The following SIM2 variants were observed in gnomAD, a reference collection of about 807,000 sequenced individuals.
SIM2 encodes single-minded homolog 2.
SIM2 carries 28 observed loss-of-function variants against 64.8 expected under a neutral mutation model. That is an observed-to-expected ratio of 0.43 (90% CI 0.32 to 0.59). The LOEUF (loss-of-function observed/expected upper bound fraction) is 0.59, where lower values mean the gene tolerates loss of function less well. Ranked by LOEUF, SIM2 falls within the 20% of genes least tolerant of loss-of-function variation. SIM2 has a pLI of 0.07. For missense variants in SIM2, 847 were observed against 871.4 expected (o/e 0.97, Z 0.35); for synonymous variants, 408 against 391.1 (o/e 1.04, Z -0.51).
At chr21:36,718,628 G>A (rs2088777221) in intron 3 of SIM2, among the ~76,000 whole-genome samples, 1 of 152,208 alleles carries the variant, frequency 6.6e-6, no homozygotes, top group South Asian at 2.1e-4. Flanking sequence ...TTTCTTCTCA[G>A]GCTGGGCACT....
At chr21:36,709,124 G>C (rs1435853396) in intron 1 of SIM2, 44 bp from the exon 2 acceptor site, 20 of 1,546,180 alleles carry the variant, frequency 1.3e-5, no homozygotes, top group Non-Finnish European at 1.7e-5. Flanking sequence ...CAGGCATCGG[G>C]CTGGGCGCTG....
intron 1 of SIM2, among the ~76,000 whole-genome samples, chr21:36,704,271 G>C (rs1448664535): frequency 6.6e-6 from 1 of 152,194 alleles, no homozygotes; most frequent in Non-Finnish European, 1.5e-5. Context: ...TGGAGAGTTG[G>C]GTGAGGAGAA....
intron 3 of SIM2, among the ~76,000 whole-genome samples, chr21:36,716,461 T>C (rs1047241224): frequency 2.0e-5 from 3 of 152,214 alleles, no homozygotes; most frequent in Non-Finnish European, 2.9e-5. Flanking sequence ...ATGATGTTGT[T>C]TGGAGGTACA....
intron 2 of SIM2, 80 bp from the exon 3 acceptor site, chr21:36,712,453 A>T: frequency 1.0e-6 from 1 of 961,424 alleles, no homozygotes; most frequent in Non-Finnish European, 1.7e-6. Context: ...GCATCCCTCC[A>T]TCCCAGTGAC....
At chr21:36,731,895 C>G (rs754154114) in intron 7 of SIM2, among the ~76,000 whole-genome samples, 2 of 151,906 alleles carry the variant, frequency 1.3e-5, no homozygotes, top group Non-Finnish European at 1.5e-5. Flanking sequence ...AAAAAAAAAT[C>G]TTTTTGAGAC....
At chr21:36,725,647 GTTTGT>G (rs1395446686) in intron 5 of SIM2, among the ~76,000 whole-genome samples, 1 of 152,098 alleles carries the variant, frequency 6.6e-6, no homozygotes, top group African/African-American at 2.4e-5. Flanking sequence ...TGTCTTGTGA[GTTTGT>G]TTTGTTACCC....
chr21:36,719,773 C>T (rs1301216999), intron 3 of SIM2, 48 bp from the exon 4 acceptor site: 2 of 1,191,390 alleles, frequency 1.7e-6, no homozygotes, highest in South Asian at 1.2e-5. Flanking sequence ...CCCCCTGCGC[C>T]AATCCCAGAG....
chr21:36,703,725 C>T (rs1430596736), intron 1 of SIM2, among the ~76,000 whole-genome samples: 1 of 152,326 alleles, frequency 6.6e-6, no homozygotes, highest in South Asian at 2.1e-4. Flanking sequence ...GCTGGGGCAG[C>T]GCTGAGGTCT....
chr21:36,714,688 G>T (rs2088721164), intron 3 of SIM2, among the ~76,000 whole-genome samples: 1 of 152,202 alleles, frequency 6.6e-6, no homozygotes, highest in South Asian at 2.1e-4. Flanking sequence ...AGGAGGTACT[G>T]TGCACATCCC....
chr21:36,724,088 G>A (rs1412249997), intron 5 of SIM2, among the ~76,000 whole-genome samples: 1 of 152,244 alleles, frequency 6.6e-6, no homozygotes, highest in Non-Finnish European at 1.5e-5. Flanking sequence ...GCACTTTTGT[G>A]CCTTTGTCCT....
chr21:36,713,276 A>T (rs187722386), intron 3 of SIM2, among the ~76,000 whole-genome samples: 15 of 152,300 alleles, frequency 9.8e-5, no homozygotes, highest in African/African-American at 3.6e-4. Context: ...TCATCTTCTT[A>T]AAAAAGTCCA....
At chr21:36,735,134 T>C (rs970573236) in intron 7 of SIM2, among the ~76,000 whole-genome samples, 2 of 152,152 alleles carry the variant, frequency 1.3e-5, no homozygotes, top group African/African-American at 2.4e-5. Flanking sequence ...AGCTGAGGTA[T>C]TGATACCCCT....
chr21:36,740,005 A>AAGAG (rs55821320), intron 7 of SIM2, among the ~76,000 whole-genome samples: 2 of 124,472 alleles, frequency 1.6e-5, no homozygotes, highest in African/African-American at 3.1e-5. Flanking sequence ...GAAAGAAAGA[A>AAGAG]AGAGAGAAAG....
intron 2 of SIM2, chr21:36,709,490 T>A (rs1568926092): frequency 1.5e-6 from 1 of 664,520 alleles, no homozygotes; most frequent in Non-Finnish European, 2.8e-6. Flanking sequence ...GCCCCAGGAC[T>A]CCCCAGGCCA....
intron 1 of SIM2, among the ~76,000 whole-genome samples, chr21:36,708,509 G>C (rs1183873939): frequency 6.6e-6 from 1 of 152,210 alleles, no homozygotes; most frequent in African/African-American, 2.4e-5. Context: ...TCTCACCGCC[G>C]GCAGATTGGA....
In SIM2 at chr21:36,745,190, C is replaced by T. The variant is rs371125576; in HGVS notation, c.1576+54C>T. On this transcript the variant is annotated intron_variant, in intron 10 of 10. Coordinates refer to ENST00000290399, the MANE Select transcript of SIM2 (RefSeq NM_005069.6). The surrounding 1 kb of genome is among the most constrained non-coding windows in gnomAD (Gnocchi z 4.8). ...GGGAGGACTGCGCACGGCCGGGAGC[C>T]GAAGCAGCCATGGCGGTGGGTGGCA... The T allele has an allele frequency of 8.6e-5, 134 of 1,554,700 alleles. 1 individual carries two copies. The highest frequency in any genetic ancestry group is 3.8e-4 in the East Asian group (16 of 42,180).
Position 36,743,482 on chromosome 21 carries a change from A to C in SIM2, c.1094A>C (p.Glu365Ala), listed in dbSNP as rs768329415. 6 of 1,614,156 alleles carry C rather than the reference A, an allele frequency of 3.7e-6. No homozygotes were observed. Among genetic ancestry groups the C allele is most frequent in the Non-Finnish European group, 5.1e-6 (6 of 1,180,030 alleles). The change falls in exon 9 of 11, where the codon GAA becomes GCA. Residue 365 changes from glutamate (E) to alanine (A), a missense_variant. By Grantham distance (107) the Glu-to-Ala change is moderately radical. Around this residue, in one of 3 missense-constraint regions of SIM2, gnomAD observed 447 missense variants for 414.6 expected, o/e 1.08. Coordinates refer to ENST00000290399, the MANE Select transcript of SIM2 (RefSeq NM_005069.6). Reference sequence around the variant, plus strand: ...AGGACCGCCTTGTCTACCTCACAAGAAACTAGGAAATTAGTGAAACCCAAA... The same window carrying C: ...AGGACCGCCTTGTCTACCTCACAAGCAACTAGGAAATTAGTGAAACCCAAA... ...SWRTALSTSQ[E>A]TRKLVKPKNT...
chr21:36,736,356 A>G (rs1265080507), intron 7 of SIM2, among the ~76,000 whole-genome samples: 1 of 152,162 alleles, frequency 6.6e-6, no homozygotes, highest in Non-Finnish European at 1.5e-5. Context: ...GGTCAGTGCC[A>G]AGGGCTCTGC....
intron 9 of SIM2, among the ~76,000 whole-genome samples, chr21:36,743,975 G>A (rs374944966): frequency 6.6e-5 from 10 of 152,330 alleles, no homozygotes; most frequent in East Asian, 1.9e-4. Context: ...TCGGTTGGGC[G>A]TGGTGGCCCA....
Sources: allele counts gnomAD v4.1 joint callset (sites outside exome capture counted in the v4.1 genomes callset), GRCh38; gene constraint gnomAD v4.1.1; regional missense constraint gnomAD v4.1.1; non-coding constraint Gnocchi (gnomAD v3.1); transcripts MANE v1.5; gene names NCBI Gene and HGNC (gene_info 2026-07-23, HGNC 2026-07-21).